The following TOX3 variants were observed in gnomAD, a reference collection of about 807,000 sequenced individuals.
TOX3 encodes CAG trinucleotide repeat-containing gene F9 protein.
TOX3 carries 22 observed loss-of-function variants against 64.3 expected under a neutral mutation model. The observed-to-expected ratio is 0.34, with a 90% CI of 0.24 to 0.49. The LOEUF (loss-of-function observed/expected upper bound fraction) is 0.49, where lower values mean the gene tolerates loss of function less well. TOX3 is among the 20% of genes least tolerant of loss of function. The pLI, the probability that TOX3 is intolerant of heterozygous loss-of-function variation, is 0.99. For synonymous variants in TOX3, 291 were observed against 273.6 expected (o/e 1.06, Z -0.63); for missense variants, 661 against 714.4 (o/e 0.93, Z 0.85).
chr16:52,546,505 G>C (rs997339538), intron 1 of TOX3, 132 bp downstream of exon 1: 1 of 794,566 alleles, frequency 1.3e-6, no homozygotes, highest in Non-Finnish European at 1.9e-6. Context: ...AGAGACGAAG[G>C]CTCAAAGGTA....
chr16:52,519,194 C>T (rs994471781), intron 1 of TOX3, among the ~76,000 whole-genome samples: 3 of 152,170 alleles, frequency 2.0e-5, no homozygotes, highest in Non-Finnish European at 4.4e-5. Context: ...ACAAATACTG[C>T]GGGGGCCACA....
intron 1 of TOX3, among the ~76,000 whole-genome samples, chr16:52,495,815 G>A (rs1286619285): frequency 1.3e-5 from 2 of 152,132 alleles, no homozygotes; most frequent in Non-Finnish European, 2.9e-5. Flanking sequence ...ATGGTTGAGA[G>A]GGAGGAAAAG....
chr16:52,493,812 C>T (rs1170121738), intron 1 of TOX3, among the ~76,000 whole-genome samples: 1 of 152,186 alleles, frequency 6.6e-6, no homozygotes, highest in Non-Finnish European at 1.5e-5. Context: ...CAAACTCCTA[C>T]CCATTTAAGC....
intron 6 of TOX3, among the ~76,000 whole-genome samples, chr16:52,441,055 C>T (rs766143867): frequency 6.6e-6 from 1 of 152,098 alleles, no homozygotes; most frequent in Non-Finnish European, 1.5e-5. Flanking sequence ...AGCCACTACC[C>T]CTGGCCAGGT....
rs1383461789 is a variant in TOX3, at chr16:52,486,842, G to A, written c.88-18268C>T. 2.6e-5 allele frequency among the ~76,000 whole-genome samples: 4 copies of A among 152,110 alleles called. No individual in the cohort carries two copies. The South Asian group carries it at 6.3e-4, about 24-fold the overall frequency. On this transcript the variant is annotated intron_variant, in intron 1 of 6. Transcript: ENST00000219746. ...TCCCAGCTACTCTGGAGGCTGAGAC[G>A]GGGGTATCACTTGAGCCCTGGAAGT...
At chr16:52,532,083 C>T (rs904435676) in intron 1 of TOX3, among the ~76,000 whole-genome samples, 1 of 152,202 alleles carries the variant, frequency 6.6e-6, no homozygotes, top group Non-Finnish European at 1.5e-5. Flanking sequence ...GACAGGGAAG[C>T]GGTCATAGCC....
intron 1 of TOX3, among the ~76,000 whole-genome samples, chr16:52,535,988 T>C (rs1425051445): frequency 6.6e-6 from 1 of 152,236 alleles, no homozygotes; most frequent in Non-Finnish European, 1.5e-5. Context: ...GTCTGACCCA[T>C]ACTATGTCAA....
intron 4 of TOX3, 69 bp downstream of exon 4, chr16:52,450,208 G>A (rs1960291608): frequency 2.6e-6 from 4 of 1,565,938 alleles, no homozygotes; most frequent in Non-Finnish European, 3.5e-6. Context: ...CACCATGAAT[G>A]AAATTCAAAC....
At chr16:52,449,725 ATT>A (rs1960276806) in intron 4 of TOX3, among the ~76,000 whole-genome samples, 1 of 152,286 alleles carries the variant, frequency 6.6e-6, no homozygotes, top group Non-Finnish European at 1.5e-5. Context: ...CATTCTAAGC[ATT>A]TGGAAAAGTC....
intron 1 of TOX3, among the ~76,000 whole-genome samples, chr16:52,520,363 T>C (rs1292273090): frequency 6.6e-6 from 1 of 152,222 alleles, no homozygotes; most frequent in Non-Finnish European, 1.5e-5. Flanking sequence ...CTCTGCCTCT[T>C]AACAAATATA....
At chr16:52,465,403 G>A (rs1960831913) in intron 2 of TOX3, among the ~76,000 whole-genome samples, 1 of 151,234 alleles carries the variant, frequency 6.6e-6, no homozygotes, top group South Asian at 2.1e-4. Flanking sequence ...ACCATTTTTG[G>A]GGGGATTTTT....
At position 52,506,864 on chromosome 16, in the gene TOX3, T is replaced by G. The variant is rs372948884; in HGVS notation, c.88-38290A>C. Among the ~76,000 whole-genome samples the G allele has an allele frequency of 1.9e-4, 29 of 152,306 alleles. No individual in the cohort carries two copies. In the South Asian group the frequency reaches 6.0e-3, roughly 32 times the overall value. ...CCACTGCATCTAAGAAGCACTAGTATTTATTATGTAGTATTGTTTGTGTCA... is the reference window on the plus strand; with the variant it reads ...CCACTGCATCTAAGAAGCACTAGTAGTTATTATGTAGTATTGTTTGTGTCA... On this transcript the variant is annotated intron_variant, in intron 1 of 6. Coordinates refer to ENST00000219746, the MANE Select transcript of TOX3 (RefSeq NM_001080430.4).
At chr16:52,454,134 T>G (rs1438599864) in intron 3 of TOX3, among the ~76,000 whole-genome samples, 1 of 151,996 alleles carries the variant, frequency 6.6e-6, no homozygotes, top group Admixed American at 6.6e-5. Flanking sequence ...CCGGCAGAGA[T>G]AGATGAATAA....
At chr16:52,506,198 C>G (rs1962158577) in intron 1 of TOX3, among the ~76,000 whole-genome samples, 1 of 152,172 alleles carries the variant, frequency 6.6e-6, no homozygotes, top group African/African-American at 2.4e-5. Context: ...AACCAATGCA[C>G]AAAGCACCTC....
chr16:52,532,598 A>G (rs1357355141), intron 1 of TOX3, among the ~76,000 whole-genome samples: 1 of 152,232 alleles, frequency 6.6e-6, no homozygotes, highest in Admixed American at 6.5e-5. Flanking sequence ...CAGAATCAGA[A>G]ACAAAATATG....
At chr16:52,452,465 AT>A in intron 3 of TOX3, among the ~76,000 whole-genome samples, 1 of 137,930 alleles carries the variant, frequency 7.3e-6, no homozygotes, top group Admixed American at 7.7e-5. Context: ...TATGTGCCAC[AT>A]TTTCTTAATC....
intron 3 of TOX3, among the ~76,000 whole-genome samples, chr16:52,454,690 G>T (rs1960463536): frequency 6.6e-6 from 1 of 152,144 alleles, no homozygotes; most frequent in South Asian, 2.1e-4. Context: ...AAAAGAGGAA[G>T]ATGTCAGCTC....
At chr16:52,499,097 A>G (rs981035398) in intron 1 of TOX3, among the ~76,000 whole-genome samples, 4 of 152,226 alleles carry the variant, frequency 2.6e-5, no homozygotes, top group Admixed American at 2.6e-4. Flanking sequence ...AATGAATACC[A>G]ATGCAATATA....
intron 1 of TOX3, among the ~76,000 whole-genome samples, chr16:52,500,093 T>A (rs1376814850): frequency 6.6e-6 from 1 of 152,230 alleles, no homozygotes; most frequent in Non-Finnish European, 1.5e-5. Flanking sequence ...AAAATGCTTA[T>A]CATGGTTTTC....
Sources: gnomAD v4.1 joint callset for allele counts (sites outside exome capture counted in the v4.1 genomes callset) on GRCh38, gnomAD v4.1.1 for gene constraint, MANE v1.5 for transcripts, NCBI Gene and HGNC (gene_info 2026-07-23, HGNC 2026-07-21) for gene names.